SLC38A12: variants seen among roughly 807,000 people sequenced by gnomAD.
SLC38A12 encodes putative sodium-coupled neutral amino acid transporter 12.
chr17:74,792,174 G>T, the SLC38A12 span, among the ~76,000 whole-genome samples: 1 of 151,514 alleles, frequency 6.6e-6, no homozygotes, highest in African/African-American at 2.4e-5. Flanking sequence ...TTAATGGCCA[G>T]GCATGGTGGC....
the SLC38A12 span, among the ~76,000 whole-genome samples, chr17:74,832,211 T>C: frequency 6.6e-6 from 1 of 151,948 alleles, no homozygotes; most frequent in Non-Finnish European, 1.5e-5. Flanking sequence ...CTCCTTTCCT[T>C]CCTTTTCTCC....
the SLC38A12 span, chr17:74,795,477 C>T: frequency 7.0e-6 from 11 of 1,564,256 alleles, no homozygotes; most frequent in Non-Finnish European, 9.6e-6. Context: ...CCCAGCCCAG[C>T]CAGGCGGCCT....
the SLC38A12 span, among the ~76,000 whole-genome samples, chr17:74,816,276 CCCCA>C: frequency 6.6e-6 from 1 of 152,168 alleles, no homozygotes; most frequent in East Asian, 1.9e-4. Context: ...GTTTGAAGCC[CCCCA>C]GTTTGTGGTC....
chr17:74,795,515 C>T, the SLC38A12 span: 1 of 1,613,146 alleles, frequency 6.2e-7, no homozygotes. Flanking sequence ...CTGTCATTCT[C>T]TTTATCAGCA....
chr17:74,814,973 G>T, the SLC38A12 span, among the ~76,000 whole-genome samples: 4 of 152,228 alleles, frequency 2.6e-5, no homozygotes, highest in African/African-American at 9.7e-5. Flanking sequence ...ATAACTTGTA[G>T]AGGAGATTGG....
the SLC38A12 span, among the ~76,000 whole-genome samples, chr17:74,822,738 G>T: frequency 7.9e-5 from 12 of 152,282 alleles, no homozygotes; most frequent in East Asian, 2.3e-3. Flanking sequence ...ACTCTGAAGC[G>T]CAGCTGGGTC....
At chr17:74,822,310 A>G in the SLC38A12 span, among the ~76,000 whole-genome samples, 3 of 152,182 alleles carry the variant, frequency 2.0e-5, no homozygotes, top group African/African-American at 7.2e-5. Flanking sequence ...GGCTCACCGT[A>G]GACTTGGCTT....
the SLC38A12 span, chr17:74,839,514 G>A: frequency 2.1e-5 from 4 of 189,696 alleles, no homozygotes; most frequent in African/African-American, 9.3e-5. Flanking sequence ...GGCCAATGGT[G>A]TTGATTGCAG....
chr17:74,839,387 G>GCCAC, the SLC38A12 span: 1 of 415,466 alleles, frequency 2.4e-6, no homozygotes, highest in Non-Finnish European at 4.3e-6. Flanking sequence ...GTGGCTGGCA[G>GCCAC]TGCCAGGCCT....
At chr17:74,810,288 A>G in the SLC38A12 span, among the ~76,000 whole-genome samples, 1 of 152,222 alleles carries the variant, frequency 6.6e-6, no homozygotes, top group Admixed American at 6.5e-5. Context: ...TCATCTAGGC[A>G]TCAACCGTCA....
At chr17:74,836,576 G>A in the SLC38A12 span, 1 of 1,613,200 alleles carries the variant, frequency 6.2e-7, no homozygotes, top group Non-Finnish European at 8.5e-7. The surrounding 1 kb of genome is among the most constrained non-coding windows in gnomAD (Gnocchi z 4.2). Flanking sequence ...TCAGCAACAA[G>A]CACAGGTCCC....
At chr17:74,839,058 ACTTT>A in the SLC38A12 span, 4 of 1,535,500 alleles carry the variant, frequency 2.6e-6, no homozygotes, top group Middle Eastern at 1.7e-4. Context: ...GTGGGAGTAA[ACTTT>A]CTTTGCCTCC....
At chr17:74,784,124 T>G in the SLC38A12 span, among the ~76,000 whole-genome samples, 2 of 151,994 alleles carry the variant, frequency 1.3e-5, no homozygotes, top group Non-Finnish European at 2.9e-5. Flanking sequence ...TGTGGCTATC[T>G]CAGAAAAGCT....
the SLC38A12 span, chr17:74,836,179 G>A: frequency 1.9e-6 from 3 of 1,612,942 alleles, no homozygotes; most frequent in Non-Finnish European, 2.5e-6. This position sits in a 1 kb window ranked among gnomAD's most constrained non-coding sequence, Gnocchi z 4.2. Flanking sequence ...GCCATCTTCT[G>A]CTTCCGCGGC....
chr17:74,819,928 C>A, the SLC38A12 span: 2 of 1,256,766 alleles, frequency 1.6e-6, no homozygotes, highest in Non-Finnish European at 2.3e-6. Context: ...GCAGGGCCCC[C>A]AGCCGTAGCT....
the SLC38A12 span, chr17:74,795,700 C>G: frequency 8.0e-7 from 1 of 1,250,174 alleles, no homozygotes; most frequent in Non-Finnish European, 1.2e-6. Context: ...TTTGAAGTGC[C>G]TTTACTTCCA....
the SLC38A12 span, among the ~76,000 whole-genome samples, chr17:74,796,959 G>A: frequency 6.6e-6 from 1 of 152,190 alleles, no homozygotes; most frequent in East Asian, 1.9e-4. Flanking sequence ...CTCTAGCAGG[G>A]TAGATGGGCA....
At chr17:74,815,132 C>T in the SLC38A12 span, among the ~76,000 whole-genome samples, 1 of 152,170 alleles carries the variant, frequency 6.6e-6, no homozygotes, top group Non-Finnish European at 1.5e-5. Flanking sequence ...ACCTCTCCAG[C>T]CCCCCAGTTT....
chr17:74,804,621 G>C, the SLC38A12 span, among the ~76,000 whole-genome samples: 1 of 152,252 alleles, frequency 6.6e-6, no homozygotes, highest in South Asian at 2.1e-4. Flanking sequence ...TGGGGGTGTG[G>C]CAGCAGATAC....
Sources: gnomAD v4.1 joint callset for allele counts (sites outside exome capture counted in the v4.1 genomes callset) on GRCh38, gnomAD v4.1.1 for gene constraint, Gnocchi (gnomAD v3.1) non-coding constraint, MANE v1.5 for transcripts, NCBI Gene and HGNC (gene_info 2026-07-23, HGNC 2026-07-21) for gene names.